SP3: variants seen among roughly 807,000 people sequenced by gnomAD.
SP3 encodes the protein Sp3 transcription factor.
A neutral mutation model predicts 70.3 loss-of-function variants in SP3; 10 were observed. That is an observed-to-expected ratio of 0.14 (90% CI 0.09 to 0.24). The LOEUF (loss-of-function observed/expected upper bound fraction) is 0.24. Among genes scored for constraint, SP3 ranks in the 10% least tolerant of loss-of-function variants. SP3 has a pLI of 1.00. For missense variants in SP3, 825 were observed against 914.6 expected (o/e 0.90, Z 1.26); for synonymous variants, 402 against 333.5 (o/e 1.21, Z -2.24).
intron 6 of SP3, among the ~76,000 whole-genome samples, chr2:173,911,072 G>T (rs1406618322): frequency 6.6e-6 from 1 of 152,154 alleles, no homozygotes; most frequent in Non-Finnish European, 1.5e-5. Flanking sequence ...GTCTTAGCTT[G>T]TATCCTTTGT....
Position 173,907,827 on chromosome 2 carries a change from G to T in SP3, c.*2114C>A, listed in dbSNP as rs972651885. On this transcript the variant is annotated 3_prime_UTR_variant, in exon 7 of 7. Coordinates refer to ENST00000310015, the MANE Select transcript of SP3 (RefSeq NM_003111.5). ...TTCAAAATAATTGTAAATTCTAGTGGTTCCTTTATATTATTCCAAGTAGAA... is the reference window on the plus strand; with the variant it reads ...TTCAAAATAATTGTAAATTCTAGTGTTTCCTTTATATTATTCCAAGTAGAA... 2 of 151,958 alleles carry T rather than the reference G, an allele frequency of 1.3e-5. No homozygotes were observed. The highest frequency in any genetic ancestry group is 4.8e-5 in the African/African-American group (2 of 41,390). The allele number at this position is 151,958 out of a possible 1,614,324, so 9.4% of individuals were successfully genotyped here. A position where few individuals can be genotyped will look rare whatever the true frequency, so the allele number is the denominator to read the frequency against.
chr2:173,954,793 G>A (rs1164495903), intron 4 of SP3, 80 bp downstream of exon 4: 2 of 1,312,782 alleles, frequency 1.5e-6, no homozygotes, highest in Non-Finnish European at 2.1e-6. Context: ...GTCTGATGCT[G>A]ATAAATACCT....
chr2:173,901,852 C>T lies in SP3; in HGVS notation c.*8089G>A, dbSNP rs1357564740. On this transcript the variant is annotated 3_prime_UTR_variant, in exon 7 of 7. Coordinates refer to ENST00000310015, the MANE Select transcript of SP3 (RefSeq NM_003111.5). Reference sequence around the variant, plus strand: ...GAGTAGCTGGGATTGCAGGCATGCGCCACCACCCCCAGCTAATTTTGTACT... The same window carrying T: ...GAGTAGCTGGGATTGCAGGCATGCGTCACCACCCCCAGCTAATTTTGTACT... Among the ~76,000 whole-genome samples the T allele has an allele frequency of 1.3e-5, 2 of 152,102 alleles. No homozygotes were observed. The highest frequency in any genetic ancestry group is 2.4e-5 in the African/African-American group (1 of 41,420).
In SP3 at chr2:173,955,167, A is replaced by G. The variant is rs771408084; in HGVS notation, c.1345T>C (p.Leu449=). The G allele has an allele frequency of 9.3e-6, 15 of 1,614,174 alleles. No individual in the cohort carries two copies. In the South Asian group the frequency reaches 1.6e-4, roughly 18 times the overall value. ...GGGGTCACTGTCTGTGCCTGAATTA[A>G]AAAGGTTCCAGGATTCAGCTGCAAC... is the stretch of plus-strand genomic sequence containing the variant. ...LQLQLNPGTF[L]IQAQTVTPSG... is the part of the protein sequence containing the mutation. The change falls in exon 4 of 7, where the codon TTA becomes CTA. Residue 449 remains leucine, a synonymous_variant. Transcript: ENST00000310015.
At chr2:173,964,282 G>T in intron 2 of SP3, 123 bp downstream of exon 2, 1 of 522,382 alleles carries the variant, frequency 1.9e-6, no homozygotes, top group Non-Finnish European at 3.4e-6. Context: ...GGGGCGGGGG[G>T]AGGGGAGTGG....
intron 3 of SP3, among the ~76,000 whole-genome samples, chr2:173,962,112 A>C (rs548997738): frequency 3.1e-4 from 47 of 152,276 alleles, no homozygotes; most frequent in South Asian, 6.2e-4. Context: ...GCAGCTGAAG[A>C]AGCATGGAAA....
Position 173,908,768 on chromosome 2 carries a change from CAA to C in SP3, c.*1171_*1172del, listed in dbSNP as rs1466568312. The C allele has an allele frequency of 4.6e-5, 7 of 151,728 alleles. No homozygotes were observed. Among genetic ancestry groups the C allele is most frequent in the Non-Finnish European group, 1.0e-4 (7 of 67,704 alleles). 9.4% of individuals were successfully genotyped at this position (151,728 alleles called of 1,614,324 possible). ...TACATTTTTGAATTGAAAATATAAACAATAATTAAAAAATAAAAAGAAAATAC... is the reference window on the plus strand; with the variant it reads ...TACATTTTTGAATTGAAAATATAAACTAATTAAAAAATAAAAAGAAAATAC... On this transcript the variant is annotated 3_prime_UTR_variant, in exon 7 of 7. Transcript: ENST00000310015.
At position 173,907,910 on chromosome 2, in the gene SP3, T is replaced by C. The variant is rs1031636700; in HGVS notation, c.*2031A>G. On this transcript the variant is annotated 3_prime_UTR_variant, in exon 7 of 7. Coordinates refer to ENST00000310015, the MANE Select transcript of SP3 (RefSeq NM_003111.5). ...CATTTAGAAAAACTGTCCATGTTTA[T>C]GCGTGTCTAGAGTTCTCCAATGCAA... The C allele has an allele frequency of 1.3e-5, 2 of 152,162 alleles. No individual in the cohort carries two copies. The highest frequency in any genetic ancestry group is 1.3e-4 in the Admixed American group (2 of 15,268). 9.4% of individuals were successfully genotyped at this position (152,162 alleles called of 1,614,324 possible).
At chr2:173,930,308 G>A (rs779592436) in intron 4 of SP3, among the ~76,000 whole-genome samples, 2 of 152,046 alleles carry the variant, frequency 1.3e-5, no homozygotes, top group Non-Finnish European at 2.9e-5. Flanking sequence ...AGGCACAGTC[G>A]CTCATCCCAG....
chr2:173,928,435 A>G (rs898326149), intron 4 of SP3, among the ~76,000 whole-genome samples: 3 of 152,104 alleles, frequency 2.0e-5, no homozygotes, highest in Admixed American at 6.5e-5. Context: ...CCACTGCTGC[A>G]ATGGCTAGGG....
At chr2:173,954,176 T>C (rs1229638979) in intron 4 of SP3, among the ~76,000 whole-genome samples, 2 of 152,230 alleles carry the variant, frequency 1.3e-5, no homozygotes, top group Non-Finnish European at 2.9e-5. Context: ...ACAACATTAA[T>C]AGGGTAAAAA....
intron 4 of SP3, among the ~76,000 whole-genome samples, chr2:173,949,565 A>G (rs182844306): frequency 6.6e-6 from 1 of 152,258 alleles, no homozygotes; most frequent in East Asian, 1.9e-4. Context: ...ATTATATGAG[A>G]TAATACACCT....
rs1305063764 is a variant in SP3, at chr2:173,903,923, T to C, written c.*6018A>G. Among the ~76,000 whole-genome samples the C allele has an allele frequency of 6.7e-6, 1 of 149,324 alleles. No homozygotes were observed. The highest frequency in any genetic ancestry group is 2.0e-4 in the East Asian group (1 of 5,022). Reference sequence around the variant, plus strand: ...AACGTGACTTTTTGTTGGTATTTCCTAGGACGGCGGTCCCCAAACTTTTTG... The same window carrying C: ...AACGTGACTTTTTGTTGGTATTTCCCAGGACGGCGGTCCCCAAACTTTTTG... On this transcript the variant is annotated 3_prime_UTR_variant, in exon 7 of 7. Transcript: ENST00000310015.
intron 1 of SP3, chr2:173,964,949 G>C (rs971548490): frequency 1.5e-5 from 9 of 593,418 alleles, no homozygotes; most frequent in Non-Finnish European, 2.5e-5. Context: ...GCCCGCCCCG[G>C]GGCCTGGCGG....
At chr2:173,928,098 T>C (rs191468113) in intron 4 of SP3, among the ~76,000 whole-genome samples, 2 of 152,324 alleles carry the variant, frequency 1.3e-5, no homozygotes, top group Admixed American at 6.5e-5. Flanking sequence ...CCTTCTACTG[T>C]ACATTTTCTA....
At chr2:173,910,367 AG>A (rs1001724643) in intron 6 of SP3, 110 bp from the exon 7 acceptor site, 1 of 786,312 alleles carries the variant, frequency 1.3e-6, no homozygotes, top group African/African-American at 1.7e-5. Flanking sequence ...GGATGGGAGC[AG>A]GGGTCTATTA....
chr2:173,934,273 T>G (rs1690154953), intron 4 of SP3, among the ~76,000 whole-genome samples: 1 of 151,370 alleles, frequency 6.6e-6, no homozygotes, highest in Non-Finnish European at 1.5e-5. Context: ...TTGATTAGAA[T>G]GGGAAAAAAA....
intron 4 of SP3, among the ~76,000 whole-genome samples, chr2:173,940,419 A>T (rs1027002730): frequency 6.6e-6 from 1 of 152,172 alleles, no homozygotes; most frequent in African/African-American, 2.4e-5. Flanking sequence ...ATGTGACAGG[A>T]GGCGGAGCTC....
At chr2:173,949,924 G>GA (rs1414580020) in intron 4 of SP3, among the ~76,000 whole-genome samples, 1 of 152,174 alleles carries the variant, frequency 6.6e-6, no homozygotes, top group Non-Finnish European at 1.5e-5. Flanking sequence ...TTGAGAGACT[G>GA]AATTAAGTCT....
Sources: gnomAD v4.1 joint callset for allele counts (sites outside exome capture counted in the v4.1 genomes callset) on GRCh38, gnomAD v4.1.1 for gene constraint, MANE v1.5 for transcripts, NCBI Gene and HGNC (gene_info 2026-07-23, HGNC 2026-07-21) for gene names.